The following ADARB2 variants were observed in gnomAD, a reference collection of about 807,000 sequenced individuals.
The protein encoded by ADARB2 is inactive double-stranded RNA-specific editase B2.
ADARB2 carries 25 observed loss-of-function variants against 62.2 expected under a neutral mutation model. The observed-to-expected ratio is 0.40, with a 90% CI of 0.29 to 0.56. The LOEUF (loss-of-function observed/expected upper bound fraction) is 0.56. Ranked by LOEUF, ADARB2 falls within the 20% of genes least tolerant of loss-of-function variation. ADARB2 has a pLI of 0.43. For missense variants in ADARB2, 1,071 were observed against 1,077.4 expected, an observed-to-expected ratio of 0.99 and a Z score of 0.08; for synonymous variants, 572 against 500.8, an observed-to-expected ratio of 1.14 and a Z score of -1.90.
At chr10:1,305,225 C>G (rs946075859) in intron 3 of ADARB2, among the ~76,000 whole-genome samples, 2 of 142,160 alleles carry the variant, frequency 1.4e-5, no homozygotes, top group Non-Finnish European at 3.1e-5. Context: ...GGGATATCAC[C>G]ACTGATCCCA....
At chr10:1,307,999 G>T (rs1831647137) in intron 3 of ADARB2, among the ~76,000 whole-genome samples, 1 of 148,576 alleles carries the variant, frequency 6.7e-6, no homozygotes, top group African/African-American at 2.5e-5. Context: ...GTTAGTGGGT[G>T]CAGCACACCA....
chr10:1,426,763 C>T lies in ADARB2; in HGVS notation c.101-47603G>A, dbSNP rs936973769. Among the ~76,000 whole-genome samples, 3 of 152,208 alleles carry T rather than the reference C, an allele frequency of 2.0e-5. No individual in the cohort carries two copies. Among genetic ancestry groups the T allele is most frequent in the Non-Finnish European group, 2.9e-5 (2 of 68,038 alleles). ...CAAGGCTGTGTGCAGACACTTTGCCCCTGGTTGACTCCTGACGGCGCTTAC... is the reference window on the plus strand; with the variant it reads ...CAAGGCTGTGTGCAGACACTTTGCCTCTGGTTGACTCCTGACGGCGCTTAC... On this transcript the variant is annotated intron_variant, in intron 1 of 9. Coordinates refer to ENST00000381312, the MANE Select transcript of ADARB2 (RefSeq NM_018702.4). The surrounding 1 kb of genome is among the most constrained non-coding windows in gnomAD (Gnocchi z 4.1).
intron 3 of ADARB2, among the ~76,000 whole-genome samples, chr10:1,328,260 G>A (rs1831895319): frequency 6.6e-6 from 1 of 152,230 alleles, no homozygotes; most frequent in South Asian, 2.1e-4. Context: ...AGGGATTCTG[G>A]AACCCCTGAC....
intron 1 of ADARB2, among the ~76,000 whole-genome samples, chr10:1,653,667 G>A (rs1243680287): frequency 7.2e-5 from 11 of 151,792 alleles, no homozygotes; most frequent in Non-Finnish European, 1.2e-4. Flanking sequence ...CTGCAGAGCC[G>A]CAGGGTCTGG....
At chr10:1,660,944 A>G (rs1834238085) in intron 1 of ADARB2, among the ~76,000 whole-genome samples, 1 of 152,128 alleles carries the variant, frequency 6.6e-6, no homozygotes, top group Non-Finnish European at 1.5e-5. Flanking sequence ...GACCAGAAAC[A>G]TTCCAACCCT....
At chr10:1,525,676 A>G (rs541879533) in intron 1 of ADARB2, among the ~76,000 whole-genome samples, 20 of 152,208 alleles carry the variant, frequency 1.3e-4, no homozygotes, top group African/African-American at 4.6e-4. Context: ...CTTGCAGAAG[A>G]CGCCCACCAT....
chr10:1,703,282 A>G (rs1443711313), intron 1 of ADARB2, among the ~76,000 whole-genome samples: 4 of 152,118 alleles, frequency 2.6e-5, no homozygotes, highest in Admixed American at 2.6e-4. Flanking sequence ...GCATCCAGGG[A>G]ACACCTGATG....
chr10:1,420,919 C>A (rs1832847120), intron 1 of ADARB2, among the ~76,000 whole-genome samples: 1 of 152,160 alleles, frequency 6.6e-6, no homozygotes, highest in Non-Finnish European at 1.5e-5. Flanking sequence ...AAGACGGACA[C>A]TTCCCAATGA....
chr10:1,216,584 G>T, intron 7 of ADARB2: 1 of 264,286 alleles, frequency 3.8e-6, no homozygotes, highest in Non-Finnish European at 7.3e-6. Flanking sequence ...AAGCCCAGTG[G>T]GGAGGGAGGC....
Position 1,544,954 on chromosome 10 carries a change from T to TACACACACACACACACAC in ADARB2, c.101-165795_101-165794insGTGTGTGTGTGTGTGTGT, listed in dbSNP as rs1418832536. ...ATATGTGAAGTCTATAATAGCAAAG[T>TACACACACACACACACAC]ATACACACACACACACACACACACA... On this transcript the variant is annotated intron_variant, in intron 1 of 9. Coordinates refer to ENST00000381312, the MANE Select transcript of ADARB2 (RefSeq NM_018702.4). 3.7e-3 allele frequency among the ~76,000 whole-genome samples: 17 copies of TACACACACACACACACAC among 4,622 alleles called. No homozygotes were observed. In the East Asian group the frequency reaches 0.17, roughly 46 times the overall value. The allele number at this position is 4,622 out of a possible 152,430, so 3.0% of individuals were successfully genotyped here.
chr10:1,459,727 C>G (rs768147687), intron 1 of ADARB2, among the ~76,000 whole-genome samples: 3 of 152,152 alleles, frequency 2.0e-5, no homozygotes, highest in Non-Finnish European at 4.4e-5. Flanking sequence ...GGCCATTACA[C>G]TCCAGCCTGG....
chr10:1,618,970 C>T lies in ADARB2; in HGVS notation c.100+118081G>A, dbSNP rs530538084. ...AGTTCTGTCAGATTAAGGCAGGCTG[C>T]GAAGGAACTGTAGCTTCTTGGCTGC... On this transcript the variant is annotated intron_variant, in intron 1 of 9. Coordinates refer to ENST00000381312, the MANE Select transcript of ADARB2 (RefSeq NM_018702.4). Among the ~76,000 whole-genome samples the T allele has an allele frequency of 7.9e-5, 12 of 152,258 alleles. No homozygotes were observed. The South Asian group carries it at 8.3e-4, about 11-fold the overall frequency.
At chr10:1,611,903 T>TG (rs1476718014) in intron 1 of ADARB2, among the ~76,000 whole-genome samples, 1 of 152,238 alleles carries the variant, frequency 6.6e-6, no homozygotes, top group Non-Finnish European at 1.5e-5. Flanking sequence ...GCGTGGTGCC[T>TG]GGGGGTGCAG....
At chr10:1,609,479 C>T (rs1434188344) in intron 1 of ADARB2, among the ~76,000 whole-genome samples, 2 of 152,228 alleles carry the variant, frequency 1.3e-5, no homozygotes, top group Non-Finnish European at 2.9e-5. Context: ...CCTCCTGGCC[C>T]GAGGACCCAC....
In ADARB2 at chr10:1,484,153, C is replaced by T. The variant is rs181843918; in HGVS notation, c.101-104993G>A. 1.5e-3 allele frequency among the ~76,000 whole-genome samples: 228 copies of T among 152,264 alleles called. 1 individual carries two copies. The highest frequency in any genetic ancestry group is 5.2e-3 in the African/African-American group (218 of 41,536). On this transcript the variant is annotated intron_variant, in intron 1 of 9. Transcript: ENST00000381312. ...TTCAGTCAAGATACATTAATCCTCT[C>T]GATATTTCCCAGGACAATACTATCT...
intron 1 of ADARB2, among the ~76,000 whole-genome samples, chr10:1,438,268 T>TC (rs1175150187): frequency 6.9e-6 from 1 of 144,824 alleles, no homozygotes; most frequent in Non-Finnish European, 1.5e-5. Context: ...CTCCTGAGTC[T>TC]CCCCCAAGAC....
intron 6 of ADARB2, among the ~76,000 whole-genome samples, chr10:1,223,701 C>T (rs1357717727): frequency 6.6e-6 from 1 of 152,062 alleles, no homozygotes; most frequent in Non-Finnish European, 1.5e-5. Flanking sequence ...TTGTCTTTGG[C>T]TCTGTTTATA....
chr10:1,186,738 G>C (rs1836764599), intron 8 of ADARB2, among the ~76,000 whole-genome samples: 1 of 152,242 alleles, frequency 6.6e-6, no homozygotes, highest in South Asian at 2.1e-4. Flanking sequence ...CCAGCCAAGT[G>C]CCTGCTCAGG....
chr10:1,420,798 G>T (rs1408279140), intron 1 of ADARB2, among the ~76,000 whole-genome samples: 2 of 152,116 alleles, frequency 1.3e-5, no homozygotes, highest in Admixed American at 6.5e-5. Context: ...CCCGCCCAGG[G>T]CTAGCCACAA....
Sources: gnomAD v4.1 joint callset for allele counts (sites outside exome capture counted in the v4.1 genomes callset) on GRCh38, gnomAD v4.1.1 for gene constraint, Gnocchi (gnomAD v3.1) non-coding constraint, MANE v1.5 for transcripts, NCBI Gene and HGNC (gene_info 2026-07-23, HGNC 2026-07-21) for gene names.